The following APC variants were observed in gnomAD, a reference collection of about 807,000 sequenced individuals.
The protein encoded by APC is APC regulator of Wnt signaling pathway.
Under a neutral mutation model 247.0 loss-of-function variants are expected in APC, and 72 were observed. The observed-to-expected ratio is 0.29, with a 90% confidence interval of 0.24 to 0.35. APC has a LOEUF of 0.35. APC is among the 10% of genes least tolerant of loss of function. The pLI, the probability that APC is intolerant of heterozygous loss-of-function variation, is 1.00. For synonymous variants in APC, 1,254 were observed against 1,162.5 expected, an observed-to-expected ratio of 1.08 and a Z score of -1.60; for missense variants, 3,400 against 3,360.7, an observed-to-expected ratio of 1.01 and a Z score of -0.29.
chr5:112,770,533 A>T (rs939359988), intron 4 of APC, among the ~76,000 whole-genome samples: 1 of 152,144 alleles, frequency 6.6e-6, no homozygotes, highest in African/African-American at 2.4e-5. Flanking sequence ...ACTCTATAAA[A>T]AGTTGCTTTA....
chr5:112,736,844 G>T (rs1314148233), upstream of APC, among the ~76,000 whole-genome samples: 1 of 152,180 alleles, frequency 6.6e-6, no homozygotes, highest in East Asian at 1.9e-4. Context: ...AACCCGGGAG[G>T]TGGAGGTTGC....
chr5:112,766,190 A>G (rs1218495803), intron 2 of APC, 136 bp from the exon 3 acceptor site: 4 of 609,412 alleles, frequency 6.6e-6, no homozygotes, highest in Non-Finnish European at 1.2e-5. Flanking sequence ...AATGAATAAT[A>G]GGTAATATAT....
intron 5 of APC, among the ~76,000 whole-genome samples, chr5:112,780,114 TC>T (rs1385252753): frequency 3.9e-5 from 6 of 152,186 alleles, no homozygotes; most frequent in Non-Finnish European, 8.8e-5. Context: ...GTTATCACAG[TC>T]CTTGGAATTT....
intron 1 of APC, among the ~76,000 whole-genome samples, chr5:112,712,300 A>G (rs1287779870): frequency 1.3e-5 from 2 of 152,124 alleles, no homozygotes; most frequent in East Asian, 3.9e-4. Context: ...TCTATCTTAT[A>G]TATACTACCC....
chr5:112,719,311 A>G (rs1616230), intron 1 of APC, among the ~76,000 whole-genome samples: 1,913 of 151,590 alleles, frequency 0.013, 19 homozygotes, highest in Middle Eastern at 0.045. Flanking sequence ...TCTGCTTTCT[A>G]GGTTCAAGCA....
chr5:112,782,116 A>C (rs1333092280), intron 6 of APC, among the ~76,000 whole-genome samples: 3 of 152,242 alleles, frequency 2.0e-5, no homozygotes, highest in East Asian at 1.9e-4. Flanking sequence ...TAACAGTTCT[A>C]CGTGGCTGGG....
At position 112,835,127 on chromosome 5, in the gene APC, G is replaced by T; in HGVS notation, c.1920G>T (p.Arg640=). The T allele has an allele frequency of 6.2e-7, 1 of 1,614,078 alleles. No individual in the cohort carries two copies. The highest frequency in any genetic ancestry group is 8.5e-7 in the Non-Finnish European group (1 of 1,179,982). ...TTGAAAGTGGAGGTGGGATATTACG[G>T]AATGTGTCCAGCTTGATAGCTACAA... The part of the protein sequence containing the change: ...AIIESGGGIL[R]NVSSLIATNE... The change falls in exon 15 of 16, where the codon CGG becomes CGT. Residue 640 remains arginine (R), a synonymous_variant. Coordinates refer to ENST00000257430, the MANE Select transcript of APC (RefSeq NM_000038.6).
intron 10 of APC, among the ~76,000 whole-genome samples, chr5:112,821,280 AG>A: frequency 6.6e-6 from 1 of 152,196 alleles, no homozygotes; most frequent in Non-Finnish European, 1.5e-5. Flanking sequence ...CCCGGGCAGG[AG>A]CGGCACTTGA....
chr5:112,731,663 T>G (rs1752105434), intron 1 of APC, among the ~76,000 whole-genome samples: 1 of 152,240 alleles, frequency 6.6e-6, no homozygotes, highest in African/African-American at 2.4e-5. Context: ...CCTACAATAT[T>G]ATTTTAAAAT....
intron 10 of APC, among the ~76,000 whole-genome samples, chr5:112,820,252 T>C (rs1368675684): frequency 1.3e-5 from 2 of 151,854 alleles, no homozygotes; most frequent in Non-Finnish European, 2.9e-5. Flanking sequence ...TGTATCAGCC[T>C]ATTGATGTGA....
intron 6 of APC, 30 bp downstream of exon 6, chr5:112,780,933 A>G: frequency 7.2e-7 from 1 of 1,393,752 alleles, no homozygotes; most frequent in Non-Finnish European, 1.0e-6. Context: ...GTGATAAAAC[A>G]GCGAAGAGCT....
chr5:112,769,564 A>G (rs1756796911), intron 4 of APC, among the ~76,000 whole-genome samples: 1 of 152,214 alleles, frequency 6.6e-6, no homozygotes, highest in South Asian at 2.1e-4. Flanking sequence ...ATATTAAGGA[A>G]TATCTTTATT....
chr5:112,818,855 G>GGGTGTTTTGTTTTTTTAGAGTTA, intron 9 of APC, 111 bp from the exon 10 acceptor site: 1 of 1,118,292 alleles, frequency 8.9e-7, no homozygotes, highest in South Asian at 1.4e-5. Context: ...GGCGGGGGGG[G>GGGTGTTTTGTTTTTTTAGAGTTA]TTGTTTTGTT....
intron 7 of APC, among the ~76,000 whole-genome samples, chr5:112,801,063 C>T (rs1760760490): frequency 6.6e-6 from 1 of 152,120 alleles, no homozygotes; most frequent in Non-Finnish European, 1.5e-5. Flanking sequence ...TCTCGTGCAG[C>T]TCTAATGCTC....
intron 1 of APC, among the ~76,000 whole-genome samples, chr5:112,741,432 A>T (rs1753003656): frequency 6.6e-6 from 1 of 152,178 alleles, no homozygotes; most frequent in African/African-American, 2.4e-5. Context: ...TATGTTCTCA[A>T]AAGTTGACTT....
At chr5:112,772,601 C>T (rs1410549050) in intron 4 of APC, among the ~76,000 whole-genome samples, 2 of 151,762 alleles carry the variant, frequency 1.3e-5, no homozygotes, top group African/African-American at 4.8e-5. Context: ...ACTGCAACCT[C>T]CGCCTCCCTG....
Position 112,844,393 on chromosome 5 carries a change from C to G in APC, c.*267C>G, listed in dbSNP as rs1766806342. Reference sequence around the variant, plus strand: ...TTTTACATGTATTTAAAGTAGCATCCCATCCCAACTTCCTTTAATTATTGC... The same window carrying G: ...TTTTACATGTATTTAAAGTAGCATCGCATCCCAACTTCCTTTAATTATTGC... On this transcript the variant is annotated 3_prime_UTR_variant, in exon 16 of 16. Coordinates refer to ENST00000257430, the MANE Select transcript of APC (RefSeq NM_000038.6). The G allele has an allele frequency of 2.5e-6, 1 of 392,174 alleles. No homozygotes were observed. The highest frequency in any genetic ancestry group is 4.5e-6 in the Non-Finnish European group (1 of 220,152). The allele number at this position is 392,174 out of a possible 1,614,324, so 24.3% of individuals were successfully genotyped here.
chr5:112,778,295 C>T (rs1369717591), intron 5 of APC: 1 of 152,352 alleles, frequency 6.6e-6, no homozygotes, highest in African/African-American at 2.4e-5. Context: ...GTCAGCCTCT[C>T]CCTCTCCATG....
intron 2 of APC, among the ~76,000 whole-genome samples, chr5:112,764,813 A>T (rs1756091614): frequency 1.3e-5 from 2 of 152,226 alleles, no homozygotes; most frequent in South Asian, 4.1e-4. Flanking sequence ...TCCTGGAAAA[A>T]TCACAGGTAG....
Sources: gnomAD v4.1 joint callset for allele counts (sites outside exome capture counted in the v4.1 genomes callset) on GRCh38, gnomAD v4.1.1 for gene constraint, MANE v1.5 for transcripts, NCBI Gene and HGNC (gene_info 2026-07-23, HGNC 2026-07-21) for gene names.